SYNCRIP: variants seen among roughly 807,000 people sequenced by gnomAD.
SYNCRIP encodes the protein synaptotagmin binding cytoplasmic RNA interacting protein.
In SYNCRIP, 9 loss-of-function variants were observed where a neutral mutation model predicts 68.9. The ratio of observed to expected loss-of-function variants is 0.13; its 90% CI spans 0.08 to 0.23. The LOEUF is 0.23. Among genes scored for constraint, SYNCRIP ranks in the 10% least tolerant of loss-of-function variants. SYNCRIP has a pLI of 1.00. For synonymous variants in SYNCRIP, 258 were observed against 254.0 expected (o/e 1.02, Z -0.15); for missense variants, 414 against 770.6 (o/e 0.54, Z 5.48).
intron 6 of SYNCRIP, among the ~76,000 whole-genome samples, chr6:85,631,568 A>G (rs1238989092): frequency 1.3e-5 from 2 of 152,220 alleles, no homozygotes; most frequent in African/African-American, 4.8e-5. Context: ...AATGGTACAA[A>G]TGGTACCTTA....
At chr6:85,611,126 A>G (rs934425246), downstream of SYNCRIP, 4 of 152,064 alleles carry the variant, frequency 2.6e-5, no homozygotes, top group Non-Finnish European at 5.9e-5. Flanking sequence ...ATAACAAAAA[A>G]CCAATTAATG....
intron 4 of SYNCRIP, among the ~76,000 whole-genome samples, chr6:85,639,369 T>C (rs1039768310): frequency 2.0e-5 from 3 of 152,228 alleles, no homozygotes; most frequent in African/African-American, 7.2e-5. Flanking sequence ...TACTCCACTT[T>C]TATGGAAAAA....
At chr6:85,622,433 C>G in intron 8 of SYNCRIP, 49 bp downstream of exon 8, 1 of 1,555,846 alleles carries the variant, frequency 6.4e-7, no homozygotes, top group Non-Finnish European at 8.9e-7. Flanking sequence ...AACCCCGGCC[C>G]TTCTCCCATT....
chr6:85,622,368 CTT>C (rs1275814366), intron 8 of SYNCRIP, 112 bp downstream of exon 8: 1 of 1,033,150 alleles, frequency 9.7e-7, no homozygotes, highest in South Asian at 1.6e-5. Flanking sequence ...ACAAGAGACT[CTT>C]GTCTCAAAAA....
downstream of SYNCRIP, chr6:85,612,181 A>G (rs962559859): frequency 6.6e-6 from 1 of 152,120 alleles, no homozygotes; most frequent in East Asian, 1.9e-4. Context: ...TCTTACCCTC[A>G]TATCATATTT....
chr6:85,620,725 T>C (rs915895115), intron 8 of SYNCRIP, among the ~76,000 whole-genome samples: 1 of 152,226 alleles, frequency 6.6e-6, no homozygotes, highest in African/African-American at 2.4e-5. Flanking sequence ...TGAGGAAGGC[T>C]GTGCCTGTGT....
intron 10 of SYNCRIP, among the ~76,000 whole-genome samples, chr6:85,616,681 C>A (rs541277281): frequency 1.3e-5 from 2 of 152,128 alleles, no homozygotes; most frequent in Admixed American, 6.5e-5. Context: ...GGCCCCTGTT[C>A]CAACTGACTA....
intron 6 of SYNCRIP, among the ~76,000 whole-genome samples, chr6:85,631,386 TAA>T (rs1381976562): frequency 7.0e-6 from 1 of 143,238 alleles, no homozygotes; most frequent in Non-Finnish European, 1.5e-5. Context: ...GAAACATGGC[TAA>T]AAGGGTAATT....
At chr6:85,620,926 G>C (rs752799121) in intron 8 of SYNCRIP, among the ~76,000 whole-genome samples, 1 of 152,160 alleles carries the variant, frequency 6.6e-6, no homozygotes, top group Non-Finnish European at 1.5e-5. Flanking sequence ...GAGAGTTATT[G>C]AATGTTTAAC....
intron 8 of SYNCRIP, among the ~76,000 whole-genome samples, chr6:85,619,636 T>C (rs1271752902): frequency 6.6e-6 from 1 of 152,082 alleles, no homozygotes; most frequent in Admixed American, 6.6e-5. Flanking sequence ...AAAAAAGATA[T>C]ACAGATGGCA....
chr6:85,635,774 C>CAAGAAAAAAAA (rs1808364292), intron 6 of SYNCRIP, among the ~76,000 whole-genome samples: 1 of 78,908 alleles, frequency 1.3e-5, no homozygotes, highest in African/African-American at 4.7e-5. Flanking sequence ...TTCTATCTCC[C>CAAGAAAAAAAA]AAAAAAAAAA....
At chr6:85,635,818 T>C (rs1160679971) in intron 6 of SYNCRIP, among the ~76,000 whole-genome samples, 1 of 151,292 alleles carries the variant, frequency 6.6e-6, no homozygotes, top group African/African-American at 2.4e-5. Flanking sequence ...ACTTATGAGT[T>C]TTATTTTTCT....
intron 6 of SYNCRIP, among the ~76,000 whole-genome samples, chr6:85,624,483 A>G (rs1209076401): frequency 6.6e-6 from 1 of 152,226 alleles, no homozygotes; most frequent in Non-Finnish European, 1.5e-5. Flanking sequence ...TCTGTTAACC[A>G]GCACCTAAAT....
In SYNCRIP at chr6:85,641,372, T is replaced by G; in HGVS notation, c.68A>C (p.His23Pro). The G allele has an allele frequency of 6.2e-7, 1 of 1,613,234 alleles. No individual in the cohort carries two copies. Among genetic ancestry groups the G allele is most frequent in the Non-Finnish European group, 8.5e-7 (1 of 1,179,920 alleles). ...EPMDTTSAVI[H>P]SENFQTLLDA... ...AAGCAATGTCTGAAAATTTTCTGAA[T>G]GGATAACTGCAGAAGTAGTATCCAT... Residue 23 changes from histidine (H) to proline (P), a missense_variant, in exon 2 of 11, where the codon CAT becomes CCT. Coordinates refer to ENST00000369622, the MANE Select transcript of SYNCRIP (RefSeq NM_006372.5).
At chr6:85,639,421 T>C (rs1054279949) in intron 4 of SYNCRIP, among the ~76,000 whole-genome samples, 1 of 152,234 alleles carries the variant, frequency 6.6e-6, no homozygotes, top group African/African-American at 2.4e-5. Context: ...CAGCTAGATC[T>C]GTGAAAGCCT....
In SYNCRIP at chr6:85,627,052, G is replaced by A. The variant is rs546389268; in HGVS notation, c.667-2940C>T. ...AGGCTGAGGCGGGCGAATTGCCTAAGCTCAGGAGTTCGAGACCAGCCTGGG... is the reference window on the plus strand; with the variant it reads ...AGGCTGAGGCGGGCGAATTGCCTAAACTCAGGAGTTCGAGACCAGCCTGGG... On this transcript the variant is annotated intron_variant, in intron 6 of 10. Coordinates refer to ENST00000369622, the MANE Select transcript of SYNCRIP (RefSeq NM_006372.5). Among the ~76,000 whole-genome samples the A allele has an allele frequency of 2.2e-4, 33 of 152,146 alleles. No individual in the cohort carries two copies. The South Asian group carries it at 6.6e-3, about 31-fold the overall frequency.
chr6:85,624,669 T>G (rs566948167), intron 6 of SYNCRIP, among the ~76,000 whole-genome samples: 1 of 152,344 alleles, frequency 6.6e-6, no homozygotes, highest in East Asian at 1.9e-4. Flanking sequence ...AGATTTGTCA[T>G]GGCAAAAATA....
intron 7 of SYNCRIP, among the ~76,000 whole-genome samples, chr6:85,623,607 TA>T (rs1806704664): frequency 7.1e-6 from 1 of 140,766 alleles, no homozygotes; most frequent in Admixed American, 7.2e-5. Flanking sequence ...CAATACTTAC[TA>T]CTCCTGTAAT....
intron 8 of SYNCRIP, among the ~76,000 whole-genome samples, chr6:85,621,607 TAAAAAAA>T (rs34749230): frequency 2.4e-5 from 3 of 124,800 alleles, no homozygotes; most frequent in Non-Finnish European, 5.2e-5. Flanking sequence ...CCCTGTCACT[TAAAAAAA>T]AAAAAAAAAA....
Sources: gnomAD v4.1 joint callset for allele counts (sites outside exome capture counted in the v4.1 genomes callset) on GRCh38, gnomAD v4.1.1 for gene constraint, MANE v1.5 for transcripts, NCBI Gene and HGNC (gene_info 2026-07-23, HGNC 2026-07-21) for gene names.